OXNAD1: variants seen among roughly 807,000 people sequenced by gnomAD.
OXNAD1 encodes the protein oxidoreductase NAD binding domain containing 1, also known as oxidoreductase NAD-binding domain-containing protein 1.
Under a neutral mutation model 32.9 loss-of-function variants are expected in OXNAD1, and 34 were observed. The ratio of observed to expected loss-of-function variants is 1.03; its 90% CI spans 0.79 to 1.38. The LOEUF is 1.38. Ranked by LOEUF, OXNAD1 falls within the 40% of genes most tolerant of loss-of-function variation. The probability of loss-of-function intolerance (pLI) is 0.00; values close to 1 mark genes in which losing one functional copy is unlikely to be tolerated. For missense variants in OXNAD1, 407 were observed against 379.4 expected (o/e 1.07, Z -0.60); for synonymous variants, 134 against 135.2 (o/e 0.99, Z 0.06).
Position 16,271,531 on chromosome 3 carries a change from C to A in OXNAD1, c.120-128C>A. 1 of 768,036 alleles carries A rather than the reference C, an allele frequency of 1.3e-6. No homozygotes were observed. Among genetic ancestry groups the A allele is most frequent in the Non-Finnish European group, 2.0e-6 (1 of 507,586 alleles). The allele number at this position is 768,036 out of a possible 1,614,324, so 47.6% of individuals were successfully genotyped here. ...AACTTTAGTTAGACGGGCAGATACT[C>A]ACTGGCCATTTTATAGGATCTGTAA... On this transcript the variant is annotated intron_variant, in intron 3 of 8. Coordinates refer to ENST00000285083, the MANE Select transcript of OXNAD1 (RefSeq NM_138381.5). This position sits in a 1 kb window ranked among gnomAD's most constrained non-coding sequence, Gnocchi z 4.6.
chr3:16,282,274 A>G (rs2065797510), intron 4 of OXNAD1, among the ~76,000 whole-genome samples: 1 of 151,810 alleles, frequency 6.6e-6, no homozygotes, highest in Admixed American at 6.6e-5. Flanking sequence ...TACCAGTTCT[A>G]CTAAATAAAT....
chr3:16,271,637 C>G lies in OXNAD1; in HGVS notation c.120-22C>G. 1 of 1,551,166 alleles carries G rather than the reference C, an allele frequency of 6.4e-7. No homozygotes were observed. Among genetic ancestry groups the G allele is most frequent in the Middle Eastern group, 1.7e-4 (1 of 5,866 alleles). On this transcript the variant is annotated intron_variant, in intron 3 of 8. Transcript: ENST00000285083. The surrounding 1 kb of genome is among the most constrained non-coding windows in gnomAD (Gnocchi z 4.6). The stretch of plus-strand genomic sequence containing the variant: ...TTTTATGAGGATAATATGTAATAAC[C>G]TAATTTTACTTTCTATTAAAGCATA...
Position 16,317,102 on chromosome 3 carries a change from G to C in OXNAD1, c.*30+13510G>C, listed in dbSNP as rs2068486674. On this transcript the variant is annotated intron_variant, in intron 9 of 9. Transcript: ENST00000435829. This position sits in a 1 kb window ranked among gnomAD's most constrained non-coding sequence, Gnocchi z 4.3. ...TGAAACACAGTTTCCCATGTCTCCAGCTTTGGAAGACTGGTCTTCTAAGTT... is the reference window on the plus strand; with the variant it reads ...TGAAACACAGTTTCCCATGTCTCCACCTTTGGAAGACTGGTCTTCTAAGTT... The C allele has an allele frequency of 6.2e-7, 1 of 1,613,820 alleles. No individual in the cohort carries two copies. Among genetic ancestry groups the C allele is most frequent in the Non-Finnish European group, 8.5e-7 (1 of 1,180,018 alleles).
intron 4 of OXNAD1, chr3:16,272,223 T>C (rs1039983817): frequency 2.3e-6 from 1 of 436,382 alleles, no homozygotes; most frequent in East Asian, 7.1e-5. Flanking sequence ...CCTTCTAATG[T>C]ACAGATTTTT....
At position 16,302,779 on chromosome 3, in the gene OXNAD1, C is replaced by T. The variant is rs781342346; in HGVS notation, c.784+31C>T. On this transcript the variant is annotated intron_variant, in intron 8 of 8. Transcript: ENST00000285083. This position sits in a 1 kb window ranked among gnomAD's most constrained non-coding sequence, Gnocchi z 4.2. Reference sequence around the variant, plus strand: ...TCCCCTAAAGATATTTTGACTATCTCCATGCAGTTATTTGATGGACACACC... The same window carrying T: ...TCCCCTAAAGATATTTTGACTATCTTCATGCAGTTATTTGATGGACACACC... 1 of 1,514,922 alleles carries T rather than the reference C, an allele frequency of 6.6e-7. No individual in the cohort carries two copies. The highest frequency in any genetic ancestry group is 2.3e-5 in the East Asian group (1 of 43,642). 93.8% of individuals were successfully genotyped at this position (1,514,922 alleles called of 1,614,324 possible).
downstream of OXNAD1, among the ~76,000 whole-genome samples, chr3:16,350,854 G>A (rs2072050332): frequency 6.6e-6 from 1 of 152,170 alleles, no homozygotes; most frequent in South Asian, 2.1e-4. Flanking sequence ...TGGAGAAACT[G>A]TGGCAATAGA....
intron 6 of OXNAD1, among the ~76,000 whole-genome samples, chr3:16,300,365 C>T (rs961269148): frequency 2.0e-5 from 3 of 152,082 alleles, no homozygotes; most frequent in South Asian, 2.1e-4. Context: ...ATAGAATCAC[C>T]GTGAATACAC....
At chr3:16,337,740 CA>C (rs5846920), downstream of OXNAD1, among the ~76,000 whole-genome samples, 9,382 of 95,076 alleles carry the variant, frequency 0.099, 295 homozygotes, top group Middle Eastern at 0.15. The surrounding 1 kb of genome is among the most constrained non-coding windows in gnomAD (Gnocchi z 5.0). Context: ...GACTCCATCT[CA>C]AAAAAAAAAA....
rs2069194496 is a variant in OXNAD1 at position 16,322,614 on chromosome 3, A to G, written c.*31-14498A>G. 6.6e-6 allele frequency among the ~76,000 whole-genome samples: 1 copy of G among 152,198 alleles called. No individual in the cohort carries two copies. Among genetic ancestry groups the G allele is most frequent in the Non-Finnish European group, 1.5e-5 (1 of 68,014 alleles). On this transcript the variant is annotated intron_variant, in intron 9 of 9. Coordinates refer to the OXNAD1 transcript ENST00000435829. This position sits in a 1 kb window ranked among gnomAD's most constrained non-coding sequence, Gnocchi z 6.2. ...AGCAACTGGTGAAAATGTCCTCAGG[A>G]AAAGCACCACAGGCTGCTCAGGGTG... is the stretch of plus-strand genomic sequence containing the variant.
chr3:16,299,659 C>T lies in OXNAD1; in HGVS notation c.433-1967C>T, dbSNP rs1406635877. ...TTCATGTCCAGAAGTACCTACTGCT[C>T]ACCTGACATGCAAGGTGCCAAGGTG... On this transcript the variant is annotated intron_variant, in intron 6 of 8. Coordinates refer to ENST00000285083, the MANE Select transcript of OXNAD1 (RefSeq NM_138381.5). The surrounding 1 kb of genome is among the most constrained non-coding windows in gnomAD (Gnocchi z 4.4). Among the ~76,000 whole-genome samples, 1 of 152,198 alleles carries T rather than the reference C, an allele frequency of 6.6e-6. No individual in the cohort carries two copies. The highest frequency in any genetic ancestry group is 1.5e-5 in the Non-Finnish European group (1 of 68,028).
intron 5 of OXNAD1, among the ~76,000 whole-genome samples, chr3:16,293,617 A>G (rs2066571059): frequency 6.6e-6 from 1 of 152,158 alleles, no homozygotes; most frequent in South Asian, 2.1e-4. Flanking sequence ...TTCACCATTA[A>G]GTAGGATGTT....
downstream of OXNAD1, among the ~76,000 whole-genome samples, chr3:16,306,608 T>TC (rs1221632657): frequency 2.6e-5 from 4 of 152,342 alleles, no homozygotes; most frequent in South Asian, 2.1e-4. Flanking sequence ...ACACTTTTTT[T>TC]CCCCCATGAT....
chr3:16,338,580 A>C (rs969859775), downstream of OXNAD1, among the ~76,000 whole-genome samples: 3 of 152,226 alleles, frequency 2.0e-5, no homozygotes, highest in African/African-American at 7.2e-5. The surrounding 1 kb of genome is among the most constrained non-coding windows in gnomAD (Gnocchi z 5.3). Context: ...AACAATTAAA[A>C]AAGAAACATT....
At position 16,312,344 on chromosome 3, in the gene OXNAD1, T is replaced by C. The variant is rs1320100423; in HGVS notation, c.*30+8752T>C. On this transcript the variant is annotated intron_variant, in intron 9 of 9. Coordinates refer to the OXNAD1 transcript ENST00000435829. The surrounding 1 kb of genome is among the most constrained non-coding windows in gnomAD (Gnocchi z 4.7). ...GGTCATAGTGCAGGCAGAGCACTAATCACCAGGGGCCCACCCTGCACTACT... is the reference window on the plus strand; with the variant it reads ...GGTCATAGTGCAGGCAGAGCACTAACCACCAGGGGCCCACCCTGCACTACT... Among the ~76,000 whole-genome samples the C allele has an allele frequency of 6.6e-6, 1 of 152,152 alleles. No homozygotes were observed. The highest frequency in any genetic ancestry group is 2.1e-4 in the South Asian group (1 of 4,832).
rs1332539727 is a variant in OXNAD1, at chr3:16,312,238, C to T, written c.*30+8646C>T. 6.6e-6 allele frequency among the ~76,000 whole-genome samples: 1 copy of T among 152,196 alleles called. No individual in the cohort carries two copies. Among genetic ancestry groups the T allele is most frequent in the African/African-American group, 2.4e-5 (1 of 41,438 alleles). Reference sequence around the variant, plus strand: ...GTCTTGTCCTTAGATCTCATGTCCACACACTTCCCTGTTCAAAACTCTAGG... The same window carrying T: ...GTCTTGTCCTTAGATCTCATGTCCATACACTTCCCTGTTCAAAACTCTAGG... On this transcript the variant is annotated intron_variant, in intron 9 of 9. Coordinates refer to the OXNAD1 transcript ENST00000435829. The surrounding 1 kb of genome is among the most constrained non-coding windows in gnomAD (Gnocchi z 4.7).
At chr3:16,307,416 GTGTT>G (rs2067637377), downstream of OXNAD1, among the ~76,000 whole-genome samples, 1 of 152,146 alleles carries the variant, frequency 6.6e-6, no homozygotes, top group Admixed American at 6.6e-5. Context: ...CATGAAGAAA[GTGTT>G]TCATAGAGGA....
intron 4 of OXNAD1, among the ~76,000 whole-genome samples, chr3:16,285,812 CT>C (rs2066035051): frequency 6.6e-6 from 1 of 152,234 alleles, no homozygotes; most frequent in Non-Finnish European, 1.5e-5. Context: ...TTTTCTGTTA[CT>C]AGACTCAATA....
chr3:16,309,583 C>CTGAT (rs989454558), downstream of OXNAD1, among the ~76,000 whole-genome samples: 8 of 2,886 alleles, frequency 2.8e-3, 4 homozygotes, highest in Non-Finnish European at 4.9e-3. Flanking sequence ...TAACAATTTT[C>CTGAT]TGATTGAATT....
chr3:16,269,881 G>A (rs1014373091), intron 2 of OXNAD1, among the ~76,000 whole-genome samples: 3 of 152,184 alleles, frequency 2.0e-5, no homozygotes, highest in African/African-American at 7.2e-5. Flanking sequence ...GACAAATAGA[G>A]CAATGTAACA....
Sources: allele counts gnomAD v4.1 joint callset (sites outside exome capture counted in the v4.1 genomes callset), GRCh38; gene constraint gnomAD v4.1.1; non-coding constraint Gnocchi (gnomAD v3.1); transcripts MANE v1.5; gene names NCBI Gene and HGNC (gene_info 2026-07-23, HGNC 2026-07-21).